ZNF623: variants seen among roughly 807,000 people sequenced by gnomAD.
ZNF623 encodes the protein zinc finger protein 623.
In ZNF623, 16 loss-of-function variants were observed where a neutral mutation model predicts 24.0. The observed-to-expected ratio is 0.67, with a 90% CI of 0.45 to 1.01. The LOEUF (loss-of-function observed/expected upper bound fraction) is 1.01. Ranked by LOEUF, ZNF623 falls within the 50% of genes least tolerant of loss-of-function variation. The pLI, the probability that ZNF623 is intolerant of heterozygous loss-of-function variation, is 0.00. For synonymous variants in ZNF623, 224 were observed against 219.8 expected (o/e 1.02, Z -0.17); for missense variants, 566 against 606.5 (o/e 0.93, Z 0.70).
intron 1 of ZNF623, among the ~76,000 whole-genome samples, chr8:143,643,719 A>G (rs1350473701): frequency 6.6e-6 from 1 of 152,188 alleles, no homozygotes; most frequent in African/African-American, 2.4e-5. Context: ...TTCTAGCTTT[A>G]TGTAAATGGA....
rs1340712968 is a variant in ZNF623, at chr8:143,641,614, C to T, written c.-96+5469C>T. 1.6e-4 allele frequency among the ~76,000 whole-genome samples: 3 copies of T among 18,934 alleles called. 1 individual carries two copies. Among genetic ancestry groups the T allele is most frequent in the African/African-American group, 1.7e-4 (3 of 17,438 alleles). The allele number at this position is 18,934 out of a possible 152,430, so 12.4% of individuals were successfully genotyped here. A position where few individuals can be genotyped will look rare whatever the true frequency, so the allele number is the denominator to read the frequency against. ...CCAAGTAGCTGGGACTACAGGCGCC[C>T]GCCACTACGCCCGGCTATTTTTTTG... On this transcript the variant is annotated intron_variant, in intron 1 of 1. Transcript: ENST00000526926.
At chr8:143,643,306 G>A (rs771753148) in intron 1 of ZNF623, among the ~76,000 whole-genome samples, 50 of 152,252 alleles carry the variant, frequency 3.3e-4, no homozygotes, top group Non-Finnish European at 6.2e-4. Context: ...GCAGCTTTGC[G>A]TGACCCTGCG....
chr8:143,646,941 C>T (rs1434976309), intron 1 of ZNF623, among the ~76,000 whole-genome samples: 1 of 152,158 alleles, frequency 6.6e-6, no homozygotes, highest in Non-Finnish European at 1.5e-5. Context: ...CTTAGGATTA[C>T]AGGAGTGAGC....
rs1340868389 is a variant in ZNF623, at chr8:143,649,930, A to T, written c.-63A>T. 2 of 1,613,448 alleles carry T rather than the reference A, an allele frequency of 1.2e-6. No homozygotes were observed. On this transcript the variant is annotated 5_prime_UTR_variant, in exon 2 of 2. Coordinates refer to ENST00000526926, the MANE Select transcript of ZNF623 (RefSeq NM_001261843.2). The stretch of plus-strand genomic sequence containing the variant: ...TGTAGGAACTGGTGAGAAGAAGGTG[A>T]CTGAAGCCTGGATTTCTGAGGATGA...
At chr8:143,644,073 T>C (rs1815117416) in intron 1 of ZNF623, among the ~76,000 whole-genome samples, 1 of 152,078 alleles carries the variant, frequency 6.6e-6, no homozygotes, top group African/African-American at 2.4e-5. Flanking sequence ...CAAGCTGGAG[T>C]ACGGTGTTGT....
In ZNF623 at chr8:143,650,124, C is replaced by T. The variant is rs754090581; in HGVS notation, c.132C>T (p.Thr44=). The change falls in exon 2 of 2, where the codon ACC becomes ACT. Residue 44 remains threonine, a synonymous_variant. Coordinates refer to ENST00000526926, the MANE Select transcript of ZNF623 (RefSeq NM_001261843.2). This position sits in a 1 kb window ranked among gnomAD's most constrained non-coding sequence, Gnocchi z 5.2. ...GGGGCTGCAAGCAGGTGACAGTGACCCATTGGAAGATCCAGACAGGAGAGA... is the reference window on the plus strand; with the variant it reads ...GGGGCTGCAAGCAGGTGACAGTGACTCATTGGAAGATCCAGACAGGAGAGA... ...QDRGCKQVTV[T]HWKIQTGETA... 6.2e-7 allele frequency: 1 copy of T among 1,613,972 alleles called. No individual in the cohort carries two copies. The highest frequency in any genetic ancestry group is 1.3e-5 in the African/African-American group (1 of 74,888).
Position 143,650,780 on chromosome 8 carries a change from G to T in ZNF623, c.788G>T (p.Arg263Leu), listed in dbSNP as rs755715215. ...GAATGTGGGAAGGCATTCCGTCATCGCTCAGACCTTATTGAACACCAGAGA... is the reference window on the plus strand; with the variant it reads ...GAATGTGGGAAGGCATTCCGTCATCTCTCAGACCTTATTGAACACCAGAGA... Reference protein sequence around the residue: ...CKECGKAFRHRSDLIEHQRIH... With the variant: ...CKECGKAFRHLSDLIEHQRIH... The change falls in exon 2 of 2, where the codon CGC becomes CTC. Residue 263 changes from arginine to leucine, a missense_variant. Physicochemically the swap from Arg to Leu is moderately radical, Grantham distance 102. Transcript: ENST00000526926. This position sits in a 1 kb window ranked among gnomAD's most constrained non-coding sequence, Gnocchi z 5.2. The T allele has an allele frequency of 1.2e-6, 2 of 1,614,028 alleles. No individual in the cohort carries two copies. Among genetic ancestry groups the T allele is most frequent in the African/African-American group, 2.7e-5 (2 of 74,892 alleles).
At position 143,646,502 on chromosome 8, in the gene ZNF623, G is replaced by A. The variant is rs115013309; in HGVS notation, c.-95-3396G>A. On this transcript the variant is annotated intron_variant, in intron 1 of 1. Transcript: ENST00000526926. ...CCCACACAGCACTCACATACTTGTG[G>A]GGGAGACAACAAAACACATAGTTTG... Among the ~76,000 whole-genome samples the A allele has an allele frequency of 2.3e-3, 354 of 152,050 alleles. 2 individuals are homozygous for A. The highest frequency in any genetic ancestry group is 8.2e-3 in the African/African-American group (338 of 41,404).
Position 143,651,248 on chromosome 8 carries a change from A to G in ZNF623, c.1256A>G (p.Tyr419Cys), listed in dbSNP as rs1193521283. 7 of 1,614,188 alleles carry G rather than the reference A, an allele frequency of 4.3e-6. No individual in the cohort carries two copies. Among genetic ancestry groups the G allele is most frequent in the East Asian group, 2.2e-5 (1 of 44,882 alleles). The change falls in exon 2 of 2, where the codon TAT becomes TGT. Residue 419 changes from tyrosine to cysteine, a missense_variant. By Grantham distance (194) the Tyr-to-Cys change is radical. Coordinates refer to ENST00000526926, the MANE Select transcript of ZNF623 (RefSeq NM_001261843.2). ...ATTATTCACACTGGAGAAAAGCCCTATGTGTGCAGTTATTGTGGGAAAGGC... is the reference window on the plus strand; with the variant it reads ...ATTATTCACACTGGAGAAAAGCCCTGTGTGTGCAGTTATTGTGGGAAAGGC... Reference protein sequence around the residue: ...HQIIHTGEKPYVCSYCGKGFI... With the variant: ...HQIIHTGEKPCVCSYCGKGFI...
chr8:143,636,110 G>A lies in ZNF623; in HGVS notation c.-131G>A, dbSNP rs1438019398. On this transcript the variant is annotated 5_prime_UTR_variant, in exon 1 of 2. Transcript: ENST00000526926. Reference sequence around the variant, plus strand: ...GCGGGGTCCAGTCAGCGGCTGCAGGGTCGGGCTCGCGCCGTCCTCTCCCCG... The same window carrying A: ...GCGGGGTCCAGTCAGCGGCTGCAGGATCGGGCTCGCGCCGTCCTCTCCCCG... 1.3e-5 allele frequency: 2 copies of A among 152,196 alleles called. No homozygotes were observed. The highest frequency in any genetic ancestry group is 1.9e-4 in the East Asian group (1 of 5,184). 9.4% of individuals were successfully genotyped at this position (152,196 alleles called of 1,614,324 possible).
chr8:143,648,370 T>C (rs1009493933), intron 1 of ZNF623, among the ~76,000 whole-genome samples: 4 of 151,976 alleles, frequency 2.6e-5, no homozygotes, highest in African/African-American at 9.7e-5. Flanking sequence ...AGTGTGGCCA[T>C]AGCTGACCCC....
rs371297473 is a variant in ZNF623, at chr8:143,649,953, T to C, written c.-40T>C. ...TGACTGAAGCCTGGATTTCTGAGGA[T>C]GAAAACTCACATAGGACGACGTCAG... On this transcript the variant is annotated 5_prime_UTR_variant, in exon 2 of 2. It removes an upstream start codon present in the reference 5' UTR. Coordinates refer to ENST00000526926, the MANE Select transcript of ZNF623 (RefSeq NM_001261843.2). 2 of 1,613,854 alleles carry C rather than the reference T, an allele frequency of 1.2e-6. No homozygotes were observed. The highest frequency in any genetic ancestry group is 2.7e-5 in the African/African-American group (2 of 74,926).
chr8:143,649,746 G>C, intron 1 of ZNF623, 152 bp from the exon 2 acceptor site: 1 of 934,394 alleles, frequency 1.1e-6, no homozygotes, highest in Non-Finnish European at 1.6e-6. Flanking sequence ...TTGGGTGTGA[G>C]ACCAGAGCTG....
chr8:143,649,744 G>C (rs766825207), intron 1 of ZNF623, 154 bp from the exon 2 acceptor site: 1 of 906,828 alleles, frequency 1.1e-6, no homozygotes, highest in Non-Finnish European at 1.6e-6. Flanking sequence ...GCTTGGGTGT[G>C]AGACCAGAGC....
intron 1 of ZNF623, among the ~76,000 whole-genome samples, chr8:143,647,247 G>A (rs550769028): frequency 3.7e-4 from 56 of 152,194 alleles, no homozygotes; most frequent in Middle Eastern, 3.4e-3. Flanking sequence ...TGCAAGCTCC[G>A]CCTCCTGGGT....
At chr8:143,643,810 G>A (rs1815113359) in intron 1 of ZNF623, among the ~76,000 whole-genome samples, 1 of 152,168 alleles carries the variant, frequency 6.6e-6, no homozygotes, top group African/African-American at 2.4e-5. Flanking sequence ...GTGCTTTTAT[G>A]TGTGGCAGTT....
rs891948743 is a variant in ZNF623, at chr8:143,653,715, T to C, written c.*2232T>C. ...CTGATGTCTCACTTTGGCATGTTTTTAGACTCATCCAAGCTGTTTTGTGTT... is the reference window on the plus strand; with the variant it reads ...CTGATGTCTCACTTTGGCATGTTTTCAGACTCATCCAAGCTGTTTTGTGTT... On this transcript the variant is annotated 3_prime_UTR_variant, in exon 2 of 2. Transcript: ENST00000526926. The C allele has an allele frequency of 6.0e-6, 1 of 167,132 alleles. No homozygotes were observed. Among genetic ancestry groups the C allele is most frequent in the African/African-American group, 2.4e-5 (1 of 41,452 alleles). 10.4% of individuals were successfully genotyped at this position (167,132 alleles called of 1,614,324 possible).
chr8:143,649,851 C>T (rs1322426531), intron 1 of ZNF623, 47 bp from the exon 2 acceptor site: 1 of 1,579,662 alleles, frequency 6.3e-7, no homozygotes, highest in Non-Finnish European at 8.6e-7. Context: ...AGGAGATCCC[C>T]ATCTGTTAAG....
chr8:143,651,453 A>G lies in ZNF623; in HGVS notation c.1461A>G (p.Val487=). 8 of 1,591,696 alleles carry G rather than the reference A, an allele frequency of 5.0e-6. No individual in the cohort carries two copies. The highest frequency in any genetic ancestry group is 6.8e-6 in the Non-Finnish European group (8 of 1,171,942). Residue 487 remains valine, a synonymous_variant, in exon 2 of 2, where the codon GTA becomes GTG. Transcript: ENST00000526926. The part of the protein sequence containing the change: ...KAPIHLGERS[V]DKGEHTGNL ...CCATACATTTGGGTGAGAGGTCTGT[A>G]GATAAGGGGGAACACACAGGTAACT...
Sources: gnomAD v4.1 joint callset for allele counts (sites outside exome capture counted in the v4.1 genomes callset) on GRCh38, gnomAD v4.1.1 for gene constraint, Gnocchi (gnomAD v3.1) non-coding constraint, MANE v1.5 for transcripts, NCBI Gene and HGNC (gene_info 2026-07-23, HGNC 2026-07-21) for gene names.